The following DLC1 variants were observed in gnomAD, a reference collection of about 807,000 sequenced individuals.
The protein encoded by DLC1 is DLC1 Rho GTPase activating protein, also known as rho GTPase-activating protein 7.
A neutral mutation model predicts 140.3 loss-of-function variants in DLC1; 54 were observed. The ratio of observed to expected loss-of-function variants is 0.38; its 90% CI spans 0.31 to 0.48. DLC1 has a LOEUF of 0.48. Among genes scored for constraint, DLC1 ranks in the 20% least tolerant of loss-of-function variants. DLC1 has a pLI of 0.96. For synonymous variants in DLC1, 986 were observed against 728.1 expected (o/e 1.35, Z -5.70); for missense variants, 2,536 against 1,907.0 (o/e 1.33, Z -6.14).
intron 5 of DLC1, among the ~76,000 whole-genome samples, chr8:13,161,647 T>C (rs1486904399): frequency 6.6e-6 from 1 of 152,190 alleles, no homozygotes; most frequent in South Asian, 2.1e-4. Context: ...TAAACTACTT[T>C]CCCTGTCCCT....
intron 5 of DLC1, among the ~76,000 whole-genome samples, chr8:13,241,177 T>A (rs1829530025): frequency 6.6e-6 from 1 of 152,226 alleles, no homozygotes; most frequent in African/African-American, 2.4e-5. Flanking sequence ...AAACTGTGGC[T>A]TCATAACATC....
At chr8:13,431,482 C>CAAAAA (rs56057254) in intron 2 of DLC1, among the ~76,000 whole-genome samples, 746 of 40,700 alleles carry the variant, frequency 0.018, 80 homozygotes, top group African/African-American at 0.047. Flanking sequence ...GACTCCGTCT[C>CAAAAA]AAAAAAAAAA....
At position 13,086,053 on chromosome 8, in the gene DLC1, T is replaced by C. The variant is rs1172606239; in HGVS notation, c.4467-122A>G. ...ATCTATCATTTCCCATGCCTTTGAA[T>C]TCATGGCCGAGCTACCATATTTGCT... On this transcript the variant is annotated intron_variant, in intron 17 of 17. Coordinates refer to ENST00000276297, the MANE Select transcript of DLC1 (RefSeq NM_182643.3). The C allele has an allele frequency of 4.1e-6, 6 of 1,451,176 alleles. No individual in the cohort carries two copies. In the African/African-American group the frequency reaches 8.6e-5, roughly 21 times the overall value. 89.9% of individuals were successfully genotyped at this position (1,451,176 alleles called of 1,614,324 possible).
chr8:13,188,805 A>ATATATATATATATATATATATGTATG (rs1826547955), intron 5 of DLC1, among the ~76,000 whole-genome samples: 1 of 38,002 alleles, frequency 2.6e-5, no homozygotes, highest in Non-Finnish European at 4.9e-5. Flanking sequence ...GTGTGTGTAT[A>ATATATATATATATATATATATGTATG]TATATATATA....
intron 1 of DLC1, among the ~76,000 whole-genome samples, chr8:13,545,437 A>G (rs896588359): frequency 6.6e-6 from 1 of 152,034 alleles, no homozygotes; most frequent in African/African-American, 2.4e-5. Flanking sequence ...TTTGCCGGCC[A>G]ATATTCACCT....
intron 6 of DLC1, 112 bp from the exon 7 acceptor site, chr8:13,110,935 CTG>C: frequency 1.1e-6 from 1 of 870,422 alleles, no homozygotes; most frequent in Admixed American, 2.1e-5. Flanking sequence ...TAAGCACCTA[CTG>C]TAGGACACCT....
intron 13 of DLC1, among the ~76,000 whole-genome samples, chr8:13,092,113 C>T (rs1223096597): frequency 2.0e-5 from 3 of 152,116 alleles, no homozygotes; most frequent in Non-Finnish European, 4.4e-5. Flanking sequence ...GGCGTGGTGG[C>T]AGGCACCTAT....
intron 5 of DLC1, among the ~76,000 whole-genome samples, chr8:13,180,485 T>C (rs976727902): frequency 9.9e-5 from 15 of 151,926 alleles, no homozygotes; most frequent in East Asian, 5.8e-4. Context: ...TAAATAAAGG[T>C]TAATTATTAT....
intron 1 of DLC1, among the ~76,000 whole-genome samples, chr8:13,519,939 G>C (rs1190169892): frequency 6.6e-6 from 1 of 152,214 alleles, no homozygotes; most frequent in African/African-American, 2.4e-5. Flanking sequence ...TTTCATGCCA[G>C]TTAGAATGGC....
chr8:13,475,520 C>T (rs997626175), intron 2 of DLC1, among the ~76,000 whole-genome samples: 8 of 152,236 alleles, frequency 5.3e-5, no homozygotes, highest in African/African-American at 1.4e-4. Context: ...GTGAATTAAA[C>T]AAAGAAAGTG....
chr8:13,305,416 T>C (rs1047788920), intron 4 of DLC1, 114 bp from the exon 5 acceptor site: 3 of 1,065,536 alleles, frequency 2.8e-6, no homozygotes, highest in South Asian at 3.6e-5. Flanking sequence ...AGAATGCCAA[T>C]AGAAAAATTA....
chr8:13,135,244 G>A (rs897778213), intron 5 of DLC1, among the ~76,000 whole-genome samples: 4 of 145,294 alleles, frequency 2.8e-5, no homozygotes, highest in Admixed American at 7.1e-5. Flanking sequence ...TCGCTGTGTC[G>A]CCCAGGCTGG....
chr8:13,573,855 T>TA (rs2117421211), intron 1 of DLC1, among the ~76,000 whole-genome samples: 1 of 152,324 alleles, frequency 6.6e-6, no homozygotes, highest in African/African-American at 2.4e-5. Context: ...GACGTTAATA[T>TA]AAAAGTTCAT....
chr8:13,559,732 T>C (rs1047686722), intron 1 of DLC1, among the ~76,000 whole-genome samples: 1 of 152,184 alleles, frequency 6.6e-6, no homozygotes, highest in African/African-American at 2.4e-5. Flanking sequence ...CAGACCCTTC[T>C]ACCCAAGGAA....
At chr8:13,515,670 C>A (rs1414040076), upstream of DLC1, 5 of 152,208 alleles carry the variant, frequency 3.3e-5, no homozygotes, top group African/African-American at 1.2e-4. Context: ...TTTATCTTTT[C>A]TGCTTTCTTG....
intron 5 of DLC1, among the ~76,000 whole-genome samples, chr8:13,217,207 A>G (rs1237480732): frequency 6.6e-6 from 1 of 152,144 alleles, no homozygotes; most frequent in South Asian, 2.1e-4. Flanking sequence ...TTGCTTTTCC[A>G]TTTGTCTATG....
chr8:13,429,116 C>T (rs1212973411), intron 2 of DLC1, among the ~76,000 whole-genome samples: 1 of 152,150 alleles, frequency 6.6e-6, no homozygotes, highest in Non-Finnish European at 1.5e-5. Flanking sequence ...AAGATAAAAT[C>T]TACATTCCTC....
At chr8:13,399,854 G>T (rs1170516197) in intron 3 of DLC1, among the ~76,000 whole-genome samples, 1 of 152,210 alleles carries the variant, frequency 6.6e-6, no homozygotes, top group African/African-American at 2.4e-5. Context: ...CTGGGGTGGG[G>T]TAGGGGGGCG....
intron 4 of DLC1, among the ~76,000 whole-genome samples, chr8:13,356,627 A>G (rs1260711471): frequency 3.9e-5 from 6 of 152,108 alleles, no homozygotes. Context: ...ATCTGTGCTA[A>G]TTTACATTCT....
Sources: gnomAD v4.1 joint callset for allele counts (sites outside exome capture counted in the v4.1 genomes callset) on GRCh38, gnomAD v4.1.1 for gene constraint, MANE v1.5 for transcripts, NCBI Gene and HGNC (gene_info 2026-07-23, HGNC 2026-07-21) for gene names.